The following MED13L variants were observed in gnomAD, a reference collection of about 807,000 sequenced individuals.
MED13L encodes mediator of RNA polymerase II transcription subunit 13-like.
A neutral mutation model predicts 220.9 loss-of-function variants in MED13L; 7 were observed. That is an observed-to-expected ratio of 0.03 (90% CI 0.02 to 0.06). The LOEUF (loss-of-function observed/expected upper bound fraction) is 0.06, where lower values mean the gene tolerates loss of function less well. Among genes scored for constraint, MED13L ranks in the 10% least tolerant of loss-of-function variants. MED13L has a pLI of 1.00. For synonymous variants in MED13L, 1,011 were observed against 1,015.2 expected (o/e 1.00, Z 0.08); for missense variants, 1,965 against 2,760.5 (o/e 0.71, Z 6.46).
intron 2 of MED13L, among the ~76,000 whole-genome samples, chr12:116,229,779 T>C (rs191230573): frequency 1.2e-3 from 187 of 152,336 alleles, no homozygotes; most frequent in African/African-American, 4.3e-3. Context: ...CTTTCAAGTA[T>C]ATAATTACAC....
rs917377614 is a variant in MED13L at position 116,156,403 on chromosome 12, A to C, written c.311-44891T>G. Among the ~76,000 whole-genome samples, 31 of 16,622 alleles carry C rather than the reference A, an allele frequency of 1.9e-3. No individual in the cohort carries two copies. In the African/African-American group the frequency reaches 0.033, roughly 18 times the overall value. The allele number at this position is 16,622 out of a possible 152,430, so 10.9% of individuals were successfully genotyped here. On this transcript the variant is annotated intron_variant, in intron 2 of 30. Coordinates refer to ENST00000281928, the MANE Select transcript of MED13L (RefSeq NM_015335.5). ...GTAAATGTAAAGTCTCCAATTACTT[A>C]AAAAAAAAAAAAAAAAAAAACTTTT... is the stretch of plus-strand genomic sequence containing the variant.
intron 1 of MED13L, among the ~76,000 whole-genome samples, chr12:116,253,229 G>T (rs1247237619): frequency 1.4e-5 from 2 of 140,440 alleles, no homozygotes; most frequent in Non-Finnish European, 3.0e-5. Context: ...CCAAGATGGC[G>T]CCATTGCACT....
chr12:116,209,766 T>C (rs1357240856), intron 2 of MED13L, among the ~76,000 whole-genome samples: 2 of 152,168 alleles, frequency 1.3e-5, no homozygotes, highest in Non-Finnish European at 2.9e-5. Context: ...TAAACCAAGA[T>C]GACACTTTCT....
intron 2 of MED13L, among the ~76,000 whole-genome samples, chr12:116,235,625 T>C (rs1565942261): frequency 6.6e-6 from 1 of 152,166 alleles, no homozygotes; most frequent in African/African-American, 2.4e-5. Flanking sequence ...AAAAAATACT[T>C]AAGATATTAA....
intron 4 of MED13L, among the ~76,000 whole-genome samples, chr12:116,083,423 A>C (rs1355976074): frequency 1.3e-5 from 2 of 151,448 alleles, no homozygotes; most frequent in African/African-American, 4.8e-5. Context: ...AAAAAAAAAA[A>C]AAAACACCTG....
intron 4 of MED13L, among the ~76,000 whole-genome samples, chr12:116,031,453 A>G (rs1374722597): frequency 6.6e-6 from 1 of 151,142 alleles, no homozygotes; most frequent in East Asian, 1.9e-4. Flanking sequence ...TTAGCCTGGC[A>G]TGGTGGCGGG....
Position 116,220,657 on chromosome 12 carries a change from C to G in MED13L, c.310+16811G>C, listed in dbSNP as rs562973204. Among the ~76,000 whole-genome samples, 136 of 152,266 alleles carry G rather than the reference C, an allele frequency of 8.9e-4. 1 individual carries two copies. Among genetic ancestry groups the G allele is most frequent in the African/African-American group, 3.1e-3 (130 of 41,554 alleles). ...GAGGTTGCAGTGAGCCGAGATTGTG[C>G]CATTGCACTCCAGCCTAGGCAACAG... On this transcript the variant is annotated intron_variant, in intron 2 of 30. Coordinates refer to ENST00000281928, the MANE Select transcript of MED13L (RefSeq NM_015335.5).
chr12:116,010,698 T>C (rs1879338310), intron 9 of MED13L, among the ~76,000 whole-genome samples: 1 of 151,822 alleles, frequency 6.6e-6, no homozygotes, highest in African/African-American at 2.4e-5. Context: ...AAATAGATCA[T>C]GACTAAAAGA....
intron 2 of MED13L, among the ~76,000 whole-genome samples, chr12:116,195,434 A>G (rs1881557807): frequency 6.6e-6 from 1 of 152,092 alleles, no homozygotes; most frequent in Non-Finnish European, 1.5e-5. Flanking sequence ...AGAAACAGAA[A>G]AGCCTGAAAA....
intron 21 of MED13L, 29 bp downstream of exon 21, chr12:115,983,076 TCTGAGCTGAAGC>T: frequency 6.3e-7 from 1 of 1,588,300 alleles, no homozygotes; most frequent in East Asian, 2.2e-5. Flanking sequence ...AGAGAAAGGG[TCTGAGCTGAAGC>T]CACTCATCTC....
At chr12:116,024,774 G>C (rs1287177789) in intron 4 of MED13L, among the ~76,000 whole-genome samples, 4 of 35,046 alleles carry the variant, frequency 1.1e-4, no homozygotes, top group Admixed American at 3.6e-4. Flanking sequence ...TTGGCGGGGC[G>C]GGGGGGGGGG....
At chr12:116,096,839 A>G (rs528729689) in intron 3 of MED13L, 87 bp from the exon 4 acceptor site, 3 of 928,428 alleles carry the variant, frequency 3.2e-6, no homozygotes, top group Non-Finnish European at 5.3e-6. Flanking sequence ...GAGATATATC[A>G]CCAAAAATAA....
At chr12:115,965,120 T>C (rs1189894585) in intron 29 of MED13L, among the ~76,000 whole-genome samples, 1 of 152,226 alleles carries the variant, frequency 6.6e-6, no homozygotes, top group Non-Finnish European at 1.5e-5. Context: ...TTCCATCGTT[T>C]CTTTCTGAAA....
At chr12:116,162,546 TA>T (rs905415117) in intron 2 of MED13L, among the ~76,000 whole-genome samples, 13 of 152,338 alleles carry the variant, frequency 8.5e-5, no homozygotes, top group African/African-American at 3.1e-4. Flanking sequence ...TGTAAAGGCA[TA>T]ATCTTTCAGG....
Position 116,008,554 on chromosome 12 carries a change from C to T in MED13L, c.1859G>A (p.Gly620Glu), listed in dbSNP as rs780566155. Residue 620 changes from glycine (G) to glutamate (E), a missense_variant, in exon 10 of 31, where the codon GGG becomes GAG. By Grantham distance (98) the Gly-to-Glu change is moderately conservative (BLOSUM62 -2). Coordinates refer to ENST00000281928, the MANE Select transcript of MED13L (RefSeq NM_015335.5). ...TGACTCCGGGTTCGAGGGCCTAATC[C>T]CACAATATAAGGCTGTCTCGCTGAC... ...AEVSETALYC[G>E]IRPSNPESSE... 12 of 1,613,960 alleles carry T rather than the reference C, an allele frequency of 7.4e-6. No homozygotes were observed. The highest frequency in any genetic ancestry group is 2.2e-5 in the East Asian group (1 of 44,820).
chr12:116,156,272 T>C (rs1878421250), intron 2 of MED13L, among the ~76,000 whole-genome samples: 1 of 152,128 alleles, frequency 6.6e-6, no homozygotes, highest in Admixed American at 6.5e-5. Flanking sequence ...CTTACAACTT[T>C]CCACTGAAGC....
chr12:116,205,823 G>A (rs910561388), intron 2 of MED13L, among the ~76,000 whole-genome samples: 2 of 151,640 alleles, frequency 1.3e-5, no homozygotes, highest in Admixed American at 6.6e-5. Flanking sequence ...AATGAAAGCC[G>A]CCTCACCACT....
chr12:115,969,170 C>G, intron 27 of MED13L, 73 bp from the exon 28 acceptor site: 2 of 1,509,014 alleles, frequency 1.3e-6, no homozygotes, highest in Non-Finnish European at 1.8e-6. Context: ...AATAATCCAA[C>G]CTAACCTATG....
At position 116,084,642 on chromosome 12, in the gene MED13L, G is replaced by A. The variant is rs567518078; in HGVS notation, c.479+12027C>T. 1.7e-4 allele frequency among the ~76,000 whole-genome samples: 26 copies of A among 151,992 alleles called. 3 individuals carry two copies. Among genetic ancestry groups the A allele is most frequent in the African/African-American group, 4.3e-4 (18 of 41,462 alleles). On this transcript the variant is annotated intron_variant, in intron 4 of 30. Coordinates refer to ENST00000281928, the MANE Select transcript of MED13L (RefSeq NM_015335.5). ...AAATTCTAAAATACAAAAATTAGCC[G>A]GGCGTGGTGGCATGCACCTGTAATC... is the stretch of plus-strand genomic sequence containing the variant.
Sources: allele counts gnomAD v4.1 joint callset (sites outside exome capture counted in the v4.1 genomes callset), GRCh38; gene constraint gnomAD v4.1.1; transcripts MANE v1.5; gene names NCBI Gene and HGNC (gene_info 2026-07-23, HGNC 2026-07-21).